The following EMC3 variants were observed in gnomAD, a reference collection of about 807,000 sequenced individuals.
The protein encoded by EMC3 is ER membrane protein complex subunit 3.
Under a neutral mutation model 36.6 loss-of-function variants are expected in EMC3, and 13 were observed. The observed-to-expected ratio is 0.35, with a 90% CI of 0.23 to 0.56. The LOEUF is 0.56. Ranked by LOEUF, EMC3 falls within the 20% of genes least tolerant of loss-of-function variation. The pLI is 0.84. For missense variants in EMC3, 220 were observed against 324.5 expected (o/e 0.68, Z 2.47); for synonymous variants, 120 against 111.9 (o/e 1.07, Z -0.46).
In EMC3 at chr3:9,986,069, G is replaced by A. The variant is rs142594633; in HGVS notation, c.155+438C>T. 7.2e-5 allele frequency among the ~76,000 whole-genome samples: 11 copies of A among 152,232 alleles called. 1 individual carries two copies. Among genetic ancestry groups the A allele is most frequent in the African/African-American group, 1.4e-4 (6 of 41,540 alleles). ...CTCAGCTGACAGTCCCACCAGGCCC[G>A]ACGCCTGGAACAGTAATTTGGTAGA... On this transcript the variant is annotated intron_variant, in intron 1 of 7. Coordinates refer to ENST00000245046, the MANE Select transcript of EMC3 (RefSeq NM_001394674.1).
intron 7 of EMC3, among the ~76,000 whole-genome samples, chr3:9,967,227 T>G (rs925796284): frequency 6.6e-6 from 1 of 152,218 alleles, no homozygotes; most frequent in African/African-American, 2.4e-5. Flanking sequence ...CAAGCTGGTG[T>G]GCAGTGGCAC....
chr3:9,988,478 G>C, upstream of EMC3: 1 of 1,334,230 alleles, frequency 7.5e-7, no homozygotes, highest in South Asian at 1.2e-5. Context: ...CTGGATTAAG[G>C]TGGGATCTTT....
At chr3:9,970,544 T>C (rs777018130) in intron 6 of EMC3, 38 bp downstream of exon 6, 11 of 1,597,176 alleles carry the variant, frequency 6.9e-6, no homozygotes, top group East Asian at 2.2e-5. Context: ...GATTCATCTA[T>C]GGAAGTATTT....
At chr3:10,001,782 G>A (rs2086203543) in intron 1 of EMC3, among the ~76,000 whole-genome samples, 1 of 152,034 alleles carries the variant, frequency 6.6e-6, no homozygotes, top group Non-Finnish European at 1.5e-5. Context: ...CAGATCACGA[G>A]TTCAGGAGAC....
At chr3:9,995,075 C>T (rs1274359748) in intron 1 of EMC3, among the ~76,000 whole-genome samples, 2 of 152,082 alleles carry the variant, frequency 1.3e-5, no homozygotes, top group African/African-American at 4.8e-5. Flanking sequence ...GCAGTAGTTG[C>T]AGCTGACATG....
At chr3:10,006,887 C>T (rs967442268) in intron 1 of EMC3, 8 of 354,794 alleles carry the variant, frequency 2.3e-5, no homozygotes, top group African/African-American at 1.3e-4. Context: ...AGGAGCTGGG[C>T]GAGGCGCCCA....
At chr3:10,003,258 G>A (rs564712662) in intron 1 of EMC3, 1 of 456,178 alleles carries the variant, frequency 2.2e-6, no homozygotes, top group South Asian at 1.5e-5. Context: ...GGCAGCCCAA[G>A]GCTTTGACTT....
chr3:9,986,779 G>C lies in EMC3; in HGVS notation c.-118C>G. The C allele has an allele frequency of 4.7e-6, 7 of 1,504,784 alleles. No individual in the cohort carries two copies. Among genetic ancestry groups the C allele is most frequent in the Non-Finnish European group, 6.2e-6 (7 of 1,127,742 alleles). 93.2% of individuals were successfully genotyped at this position (1,504,784 alleles called of 1,614,324 possible). On this transcript the variant is annotated 5_prime_UTR_variant, in exon 1 of 8. Coordinates refer to ENST00000245046, the MANE Select transcript of EMC3 (RefSeq NM_001394674.1). ...CAAGCCCCTTTGCCCGTGTACCCCA[G>C]AACTCTCCTGCGACTGTGAGCCGAG...
chr3:10,008,777 C>T (rs1434575242), intron 1 of EMC3: 2 of 263,766 alleles, frequency 7.6e-6, no homozygotes, highest in Admixed American at 1.0e-4. Context: ...TCCTGTTTTA[C>T]ACCTGTCACC....
rs1221105952 is a variant in EMC3 at position 9,992,787 on chromosome 3, G to T, written c.-241-5885C>A. On this transcript the variant is annotated intron_variant, in intron 1 of 8. Transcript: ENST00000470827. ...GTGGAACAAATGAGCATCATCCATT[G>T]TGTGTTTTAATTAGAGGAAAAGCTG... 8.2e-6 allele frequency: 7 copies of T among 856,498 alleles called. No homozygotes were observed. The East Asian group carries it at 1.3e-4, about 16-fold the overall frequency. The allele number at this position is 856,498 out of a possible 1,614,324, so 53.1% of individuals were successfully genotyped here.
At chr3:9,976,315 A>G (rs1488239921) in intron 3 of EMC3, among the ~76,000 whole-genome samples, 2 of 152,146 alleles carry the variant, frequency 1.3e-5, no homozygotes, top group Non-Finnish European at 1.5e-5. Context: ...CATGTAAACC[A>G]GGCTGGTTTG....
At chr3:9,998,015 A>G (rs1274862774) in intron 1 of EMC3, among the ~76,000 whole-genome samples, 1 of 152,012 alleles carries the variant, frequency 6.6e-6, no homozygotes, top group Non-Finnish European at 1.5e-5. Flanking sequence ...TCCTACCACC[A>G]ATGCACGTGG....
At chr3:9,974,593 C>G (rs1383557306) in intron 3 of EMC3, 105 bp from the exon 4 acceptor site, 5 of 722,624 alleles carry the variant, frequency 6.9e-6, no homozygotes, top group Non-Finnish European at 1.2e-5. Flanking sequence ...GAGTCCCGCT[C>G]TGTCGCCCAG....
At chr3:10,008,088 C>A (rs773868680) in intron 1 of EMC3, among the ~76,000 whole-genome samples, 34 of 152,288 alleles carry the variant, frequency 2.2e-4, no homozygotes, top group Admixed American at 7.2e-4. Flanking sequence ...AGTTTGTACC[C>A]CCAGAAAGAG....
At chr3:9,997,644 G>T (rs2086143363) in intron 1 of EMC3, among the ~76,000 whole-genome samples, 1 of 151,904 alleles carries the variant, frequency 6.6e-6, no homozygotes, top group Non-Finnish European at 1.5e-5. Flanking sequence ...ATTTTTAGTC[G>T]AGTTGGGGTT....
intron 7 of EMC3, among the ~76,000 whole-genome samples, chr3:9,968,168 C>T (rs1172010210): frequency 2.0e-5 from 3 of 152,224 alleles, no homozygotes; most frequent in Non-Finnish European, 4.4e-5. Context: ...GATCTGCCCA[C>T]CTCAGCCTCC....
chr3:9,966,685 A>C (rs192394551), intron 7 of EMC3, among the ~76,000 whole-genome samples: 13 of 143,752 alleles, frequency 9.0e-5, no homozygotes, highest in South Asian at 2.3e-4. Context: ...AGCAATTCTC[A>C]TGCCTCAGCC....
intron 1 of EMC3, chr3:9,994,310 C>T: frequency 1.0e-6 from 1 of 961,696 alleles, no homozygotes; most frequent in South Asian, 1.3e-5. Context: ...TTTTTTGACA[C>T]ATACTGCCAG....
At chr3:9,976,034 A>G (rs1328879223) in intron 3 of EMC3, among the ~76,000 whole-genome samples, 6 of 152,176 alleles carry the variant, frequency 3.9e-5, no homozygotes, top group Non-Finnish European at 7.4e-5. Context: ...TATCTCACCT[A>G]AAGAAGTGAA....
Sources: gnomAD v4.1 joint callset for allele counts (sites outside exome capture counted in the v4.1 genomes callset) on GRCh38, gnomAD v4.1.1 for gene constraint, MANE v1.5 for transcripts, NCBI Gene and HGNC (gene_info 2026-07-23, HGNC 2026-07-21) for gene names.